The following MMS19 variants were observed in gnomAD, a reference collection of about 807,000 sequenced individuals.
MMS19 encodes the protein MMS19 cytosolic iron-sulfur assembly component, also known as MMS19 nucleotide excision repair protein homolog.
MMS19 carries 77 observed loss-of-function variants against 129.8 expected under a neutral mutation model. That is an observed-to-expected ratio of 0.59 (90% CI 0.49 to 0.72). The LOEUF is 0.72. MMS19 is among the 30% of genes least tolerant of loss of function. The pLI is 0.00. For synonymous variants in MMS19, 491 were observed against 502.8 expected, an observed-to-expected ratio of 0.98 and a Z score of 0.31; for missense variants, 1,168 against 1,266.3, an observed-to-expected ratio of 0.92 and a Z score of 1.18.
chr10:97,462,938 G>T, intron 19 of MMS19: 1 of 382,020 alleles, frequency 2.6e-6, no homozygotes, highest in Non-Finnish European at 4.7e-6. Flanking sequence ...AAGAGGGATA[G>T]CTAAGATGAA....
Position 97,461,594 on chromosome 10 carries a change from A to C in MMS19, c.2213T>G (p.Met738Arg). ...NVEIPQLNQL[M>R]RELLELSCCH... The stretch of plus-strand genomic sequence containing the variant: ...GCAGCTCAGTTCCAAAAGCTCCCGC[A>C]TGAGTTGGTTCAGCTGAGGGATTTC... The change falls in exon 23 of 31, where the codon ATG becomes AGG. Residue 738 changes from methionine to arginine, a missense_variant. By Grantham distance (91) the Met-to-Arg change is moderately conservative. Around this residue, in one of 3 missense-constraint regions of MMS19, gnomAD observed 831 missense variants for 910.8 expected, o/e 0.91. Transcript: ENST00000438925. 6.2e-7 allele frequency: 1 copy of C among 1,600,794 alleles called. No individual in the cohort carries two copies. The highest frequency in any genetic ancestry group is 8.5e-7 in the Non-Finnish European group (1 of 1,173,672).
chr10:97,458,821 G>A lies in MMS19; in HGVS notation c.3044C>T (p.Ala1015Val). 1 of 1,613,972 alleles carries A rather than the reference G, an allele frequency of 6.2e-7. No homozygotes were observed. Among genetic ancestry groups the A allele is most frequent in the Non-Finnish European group, 8.5e-7 (1 of 1,179,870 alleles). ...TCACCACTCCCCTCTGGCTGACACT[G>A]CTTCCTTGCGCACCAGTCTCTTCTT... Reference protein sequence around the residue: ...DDKKRLVRKEAVSARGEWFLL... With the variant: ...DDKKRLVRKEVVSARGEWFLL... Residue 1015 changes from alanine (A) to valine (V), a missense_variant, in exon 30 of 31, where the codon GCA becomes GTA. Transcript: ENST00000438925.
In MMS19 at chr10:97,481,276, G is replaced by A. The variant is rs555430736; in HGVS notation, c.162-234C>T. Among the ~76,000 whole-genome samples, 7 of 152,168 alleles carry A rather than the reference G, an allele frequency of 4.6e-5. No homozygotes were observed. In the South Asian group the frequency reaches 1.0e-3, roughly 23 times the overall value. On this transcript the variant is annotated intron_variant, in intron 2 of 30. Coordinates refer to ENST00000438925, the MANE Select transcript of MMS19 (RefSeq NM_022362.5). ...GAAGTGGCATCATTTAGAGGCACAC[G>A]TGACACCAAGAGCCAACAGAGGTTT...
chr10:97,478,888 T>TA (rs2036241068), intron 3 of MMS19, among the ~76,000 whole-genome samples: 2 of 152,312 alleles, frequency 1.3e-5, no homozygotes, highest in East Asian at 3.9e-4. Context: ...TAAATTTATA[T>TA]AGATGATATT....
intron 1 of MMS19, among the ~76,000 whole-genome samples, chr10:97,490,466 TA>T (rs2038682317): frequency 6.6e-6 from 1 of 152,102 alleles, no homozygotes; most frequent in African/African-American, 2.4e-5. Context: ...AGAAACAGGG[TA>T]AAAGGCTAAC....
chr10:97,470,924 G>A (rs576670910), intron 8 of MMS19, 63 bp from the exon 9 acceptor site: 25 of 1,398,130 alleles, frequency 1.8e-5, no homozygotes, highest in Non-Finnish European at 2.4e-5. Flanking sequence ...ACACAGGCTC[G>A]AACCTGGTAA....
intron 8 of MMS19, among the ~76,000 whole-genome samples, chr10:97,474,514 C>T (rs2035374477): frequency 6.6e-6 from 1 of 152,102 alleles, no homozygotes. Context: ...TGTTACTGCA[C>T]TCCAGCCTGG....
At chr10:97,498,792 A>T (rs372503008), upstream of MMS19, 341 of 264,104 alleles carry the variant, frequency 1.3e-3, 4 homozygotes, top group South Asian at 9.4e-3. Context: ...CGGCGCGGGC[A>T]CCGCGAGCCG....
At chr10:97,472,104 A>G (rs986771977) in intron 8 of MMS19, among the ~76,000 whole-genome samples, 1 of 152,248 alleles carries the variant, frequency 6.6e-6, no homozygotes, top group African/African-American at 2.4e-5. Context: ...ACTAAGGCAC[A>G]TCACTGTGAA....
At chr10:97,477,776 A>G in intron 5 of MMS19, 79 bp downstream of exon 5, 1 of 989,124 alleles carries the variant, frequency 1.0e-6, no homozygotes, top group Non-Finnish European at 1.5e-6. Flanking sequence ...CTTAGAAGGC[A>G]ATAATTTTTG....
rs1392828892 is a variant in MMS19 at position 97,498,312 on chromosome 10, C to A, written c.73G>T (p.Val25Leu). ...ALWGLVHDFV[V>L]GQQEGPADQV... ...TCAGCGGGGCCCTCTTGCTGACCCACGACGAAGTCGTGCACGAGGCCCCAT... is the reference window on the plus strand; with the variant it reads ...TCAGCGGGGCCCTCTTGCTGACCCAAGACGAAGTCGTGCACGAGGCCCCAT... Residue 25 changes from valine (V) to leucine (L), a missense_variant, in exon 1 of 31, where the codon GTG becomes TTG. Coordinates refer to ENST00000438925, the MANE Select transcript of MMS19 (RefSeq NM_022362.5). 3.2e-6 allele frequency: 5 copies of A among 1,572,670 alleles called. No homozygotes were observed. The African/African-American group carries it at 4.0e-5, about 13-fold the overall frequency.
chr10:97,476,605 C>T (rs1484339975), intron 8 of MMS19, 78 bp downstream of exon 8: 4 of 1,368,560 alleles, frequency 2.9e-6, no homozygotes, highest in Non-Finnish European at 3.1e-6. Context: ...TGACCTGTAC[C>T]CTCAGTGCCC....
At position 97,468,996 on chromosome 10, in the gene MMS19, G is replaced by T; in HGVS notation, c.1033C>A (p.Leu345Ile). 6.3e-7 allele frequency: 1 copy of T among 1,588,906 alleles called. No individual in the cohort carries two copies. The highest frequency in any genetic ancestry group is 1.1e-5 in the South Asian group (1 of 87,434). The stretch of plus-strand genomic sequence containing the variant: ...AGAATGTTGCTAAGGAAGGAGTCAA[G>T]GAGGTCCTCAGCATCAGCCCTCAGC... ...SVLRADAEDLLDSFLSNILQD... is the reference protein window; with the variant it reads ...SVLRADAEDLIDSFLSNILQD... Residue 345 changes from leucine to isoleucine, a missense_variant, in exon 12 of 31, where the codon CTT (leucine) becomes ATT (isoleucine). Leu to Ile is a conservative substitution (Grantham distance 5, BLOSUM62 2). Coordinates refer to ENST00000438925, the MANE Select transcript of MMS19 (RefSeq NM_022362.5).
At chr10:97,463,747 A>C (rs547332010) in intron 19 of MMS19, 111 bp downstream of exon 19, 18 of 1,012,966 alleles carry the variant, frequency 1.8e-5, no homozygotes, top group Admixed American at 2.7e-5. Context: ...GATTGAAAAT[A>C]AACCTCTGAT....
At chr10:97,463,455 G>A (rs914985330) in intron 19 of MMS19, among the ~76,000 whole-genome samples, 1 of 152,236 alleles carries the variant, frequency 6.6e-6, no homozygotes, top group Non-Finnish European at 1.5e-5. Flanking sequence ...CATGGCGCCA[G>A]CCTAGACGGT....
At chr10:97,498,440 C>T, upstream of MMS19, 2 of 1,545,260 alleles carry the variant, frequency 1.3e-6, no homozygotes, top group Non-Finnish European at 8.7e-7. Flanking sequence ...GACGGGCTCT[C>T]CGCGCATGCG....
chr10:97,498,293 G>T lies in MMS19; in HGVS notation c.92C>A (p.Pro31His), dbSNP rs868407852. Residue 31 changes from proline (P) to histidine (H), a missense_variant, in exon 1 of 31, where the codon CCC becomes CAC. Coordinates refer to ENST00000438925, the MANE Select transcript of MMS19 (RefSeq NM_022362.5). The part of the protein sequence containing the change: ...HDFVVGQQEG[P>H]ADQVAADVKS... ...CGTACCTGCAGCCACCTGGTCAGCG[G>T]GGCCCTCTTGCTGACCCACGACGAA... 1 of 1,569,898 alleles carries T rather than the reference G, an allele frequency of 6.4e-7. No individual in the cohort carries two copies. The highest frequency in any genetic ancestry group is 2.3e-5 in the East Asian group (1 of 42,874).
At position 97,484,850 on chromosome 10, in the gene MMS19, A is replaced by G. The variant is rs530904032; in HGVS notation, c.113-699T>C. 1.6e-3 allele frequency among the ~76,000 whole-genome samples: 238 copies of G among 152,208 alleles called. 1 individual carries two copies. The highest frequency in any genetic ancestry group is 3.4e-3 in the Middle Eastern group (1 of 294). ...GAGAATCACTTGAACCCTGGAGTGC[A>G]GTGGTATAATCACAGCCTCCCAGGC... On this transcript the variant is annotated intron_variant, in intron 1 of 30. Coordinates refer to ENST00000438925, the MANE Select transcript of MMS19 (RefSeq NM_022362.5).
intron 1 of MMS19, among the ~76,000 whole-genome samples, chr10:97,484,459 T>A (rs189378613): frequency 5.9e-5 from 9 of 152,248 alleles, no homozygotes; most frequent in Non-Finnish European, 5.9e-5. Context: ...TACAAAATAT[T>A]ATGAAATTTA....
Sources: gnomAD v4.1 joint callset for allele counts (sites outside exome capture counted in the v4.1 genomes callset) on GRCh38, gnomAD v4.1.1 for gene constraint, gnomAD v4.1.1 regional missense constraint, MANE v1.5 for transcripts, NCBI Gene and HGNC (gene_info 2026-07-23, HGNC 2026-07-21) for gene names.